MID2: variants seen among roughly 807,000 people sequenced by gnomAD.
MID2 encodes probable E3 ubiquitin-protein ligase MID2.
In MID2, 13 loss-of-function variants were observed where a neutral mutation model predicts 46.1. The observed-to-expected ratio is 0.28, with a 90% CI of 0.18 to 0.45. The LOEUF (loss-of-function observed/expected upper bound fraction) is 0.45, where lower values mean the gene tolerates loss of function less well. MID2 is among the 20% of genes least tolerant of loss of function. The pLI is 1.00. For missense variants in MID2, 431 were observed against 575.4 expected (o/e 0.75, Z 2.57); for synonymous variants, 199 against 212.3 (o/e 0.94, Z 0.55).
chrX:107,866,422 AACACACAC>A (rs57100746), intron 3 of MID2, among the ~76,000 whole-genome samples: 14,871 of 80,914 alleles, frequency 0.18, 1,330 homozygotes, highest in Admixed American at 0.23. Flanking sequence ...AGCCACTGAA[AACACACAC>A]ACACACACAC....
rs773966816 is a variant in MID2 at position 107,929,697 on chromosome X, G to A, written c.*2624G>A. Among the ~76,000 whole-genome samples the A allele has an allele frequency of 2.7e-5, 3 of 110,907 alleles. No homozygotes were observed. The highest frequency in any genetic ancestry group is 9.6e-5 in the Admixed American group (1 of 10,424). On this transcript the variant is annotated 3_prime_UTR_variant, in exon 10 of 10. Coordinates refer to ENST00000262843, the MANE Select transcript of MID2 (RefSeq NM_012216.4). ...GTGTCTTTTAGATTTTAGTGCCCTG[G>A]GACAAAGATCTAATTTCCCCACCCT...
At chrX:107,914,784 A>G (rs1415299444) in intron 5 of MID2, among the ~76,000 whole-genome samples, 1 of 112,509 alleles carries the variant, frequency 8.9e-6, no homozygotes, top group Admixed American at 9.4e-5. Flanking sequence ...GCTGAAATAT[A>G]TAAAATATAC....
rs767199535 is a variant in MID2 at position 107,926,266 on chromosome X, C to T, written c.1770C>T (p.Cys590=). 1.5e-5 allele frequency: 18 copies of T among 1,209,872 alleles called. No individual in the cohort carries two copies. The Admixed American group carries it at 3.9e-4, about 26-fold the overall frequency. The part of the protein sequence containing the change: ...AAGNIFIDSG[C]HYWEVVMGSS... The stretch of plus-strand genomic sequence containing the variant: ...GAAATATATTCATTGACAGTGGCTG[C>T]CACTATTGGGAGGTGGTCATGGGTT... The change falls in exon 9 of 10, where the codon TGC becomes TGT. Residue 590 remains cysteine (C), a synonymous_variant. Coordinates refer to ENST00000262843, the MANE Select transcript of MID2 (RefSeq NM_012216.4).
intron 8 of MID2, 135 bp from the exon 9 acceptor site, chrX:107,925,959 G>A: frequency 2.4e-6 from 1 of 419,790 alleles, no homozygotes; most frequent in Non-Finnish European, 4.0e-6. Context: ...AATTTAAACA[G>A]CAGCCAACTT....
At chrX:107,851,836 T>G (rs931838972) in intron 2 of MID2, among the ~76,000 whole-genome samples, 4 of 106,736 alleles carry the variant, frequency 3.7e-5, no homozygotes, top group African/African-American at 1.3e-4. Context: ...ATATGCCATA[T>G]ATTTTATTTC....
intron 3 of MID2, among the ~76,000 whole-genome samples, chrX:107,899,190 C>T (rs975380413): frequency 5.1e-5 from 5 of 98,312 alleles, no homozygotes; most frequent in African/African-American, 1.9e-4. Context: ...CCTCCCCCCC[C>T]CCAAAAATCC....
chrX:107,883,270 C>T (rs1932367926), intron 3 of MID2, among the ~76,000 whole-genome samples: 1 of 110,903 alleles, frequency 9.0e-6, no homozygotes, highest in African/African-American at 3.3e-5. Context: ...TTGATGGGTA[C>T]AGCAAACCAC....
chrX:107,925,867 G>A (rs1368980760), intron 8 of MID2, among the ~76,000 whole-genome samples: 2 of 109,854 alleles, frequency 1.8e-5, no homozygotes, highest in Admixed American at 9.8e-5. Flanking sequence ...AATAAACGCC[G>A]TTATGAAGGT....
intron 3 of MID2, among the ~76,000 whole-genome samples, chrX:107,896,661 G>A (rs1932742181): frequency 8.9e-6 from 1 of 112,346 alleles, no homozygotes; most frequent in Admixed American, 9.4e-5. Context: ...GTTGTATTAT[G>A]CATTTCTATA....
At chrX:107,839,045 A>G (rs957069837) in intron 1 of MID2, among the ~76,000 whole-genome samples, 1 of 111,307 alleles carries the variant, frequency 9.0e-6, no homozygotes, top group South Asian at 3.8e-4. Flanking sequence ...TGAGCCCAGG[A>G]GGTGGACGTT....
chrX:107,912,796 A>C (rs1932911041), intron 5 of MID2, among the ~76,000 whole-genome samples: 1 of 110,894 alleles, frequency 9.0e-6, no homozygotes, highest in Admixed American at 9.6e-5. Flanking sequence ...ATAGATGACT[A>C]TCTATGTAGT....
At chrX:107,906,088 G>A (rs765607104) in intron 5 of MID2, among the ~76,000 whole-genome samples, 3 of 111,537 alleles carry the variant, frequency 2.7e-5, no homozygotes, top group Non-Finnish European at 5.6e-5. Context: ...CCTTCTTCCA[G>A]AGGAAAAACA....
At chrX:107,878,642 A>G (rs2034706333) in intron 3 of MID2, among the ~76,000 whole-genome samples, 1 of 112,122 alleles carries the variant, frequency 8.9e-6, no homozygotes, top group African/African-American at 3.2e-5. Flanking sequence ...GGCAACAACG[A>G]GGAGTGGCAT....
intron 3 of MID2, among the ~76,000 whole-genome samples, chrX:107,876,286 C>G (rs1932199049): frequency 9.0e-6 from 1 of 111,355 alleles, no homozygotes; most frequent in Non-Finnish European, 1.9e-5. Context: ...CACTAAAGTA[C>G]TATCTGGTCC....
intron 1 of MID2, among the ~76,000 whole-genome samples, chrX:107,831,799 G>A (rs1931095204): frequency 8.9e-6 from 1 of 112,505 alleles, no homozygotes; most frequent in Non-Finnish European, 1.9e-5. Context: ...TCCTAGAGGA[G>A]ATGGAAAGCT....
intron 7 of MID2, among the ~76,000 whole-genome samples, chrX:107,923,628 A>G (rs1933113129): frequency 9.0e-6 from 1 of 111,099 alleles, no homozygotes; most frequent in Admixed American, 9.5e-5. Context: ...TGGCTTCCCT[A>G]CGGTACTGTG....
At chrX:107,890,023 T>C (rs1278528204) in intron 3 of MID2, among the ~76,000 whole-genome samples, 1 of 111,322 alleles carries the variant, frequency 9.0e-6, no homozygotes, top group African/African-American at 3.3e-5. Context: ...ATTCATGTAA[T>C]TTTTTTTCAA....
intron 2 of MID2, among the ~76,000 whole-genome samples, chrX:107,852,068 T>C (rs1299134501): frequency 9.0e-6 from 1 of 111,062 alleles, no homozygotes; most frequent in African/African-American, 3.3e-5. Context: ...AATTTTATAT[T>C]TTTAGTAGAG....
At chrX:107,917,790 A>G (rs1332010778) in intron 7 of MID2, 51 bp downstream of exon 7, 1 of 1,082,573 alleles carries the variant, frequency 9.2e-7, no homozygotes, top group East Asian at 3.0e-5. Flanking sequence ...TTTCATAGAC[A>G]GTGTAAGCTC....
Sources: gnomAD v4.1 joint callset for allele counts (sites outside exome capture counted in the v4.1 genomes callset) on GRCh38, gnomAD v4.1.1 for gene constraint, MANE v1.5 for transcripts, NCBI Gene and HGNC (gene_info 2026-07-23, HGNC 2026-07-21) for gene names.